Variants in GAREM1 observed in about 807,000 individuals in gnomAD.
GAREM1 encodes GRB2-associated and regulator of MAPK protein 1.
Under a neutral mutation model 71.3 loss-of-function variants are expected in GAREM1, and 26 were observed. That is an observed-to-expected ratio of 0.36 (90% confidence interval 0.27 to 0.51). GAREM1 has a LOEUF of 0.51. Ranked by LOEUF, GAREM1 falls within the 20% of genes least tolerant of loss-of-function variation. The probability of loss-of-function intolerance (pLI) is 0.95; values close to 1 mark genes in which losing one functional copy is unlikely to be tolerated. For synonymous variants in GAREM1, 440 were observed against 433.2 expected, an observed-to-expected ratio of 1.02 and a Z score of -0.20; for missense variants, 1,026 against 1,103.1, an observed-to-expected ratio of 0.93 and a Z score of 0.99.
chr18:32,352,041 G>A (rs1004074468), intron 2 of GAREM1, among the ~76,000 whole-genome samples: 12 of 152,076 alleles, frequency 7.9e-5, no homozygotes, highest in Non-Finnish European at 1.8e-4. Context: ...AAAATTCTCA[G>A]TGTTAAAACA....
intron 2 of GAREM1, among the ~76,000 whole-genome samples, chr18:32,329,446 G>A (rs1482248167): frequency 6.6e-6 from 1 of 151,628 alleles, no homozygotes; most frequent in Non-Finnish European, 1.5e-5. Context: ...AGTCGCTCAC[G>A]CCTACAATCC....
intron 3 of GAREM1, among the ~76,000 whole-genome samples, chr18:32,307,040 G>C (rs1447126296): frequency 6.6e-6 from 1 of 152,084 alleles, no homozygotes; most frequent in Non-Finnish European, 1.5e-5. Context: ...AATAGTACTA[G>C]TACTAGCCAT....
chr18:32,339,743 CT>C (rs1399699359), intron 2 of GAREM1, among the ~76,000 whole-genome samples: 8 of 152,354 alleles, frequency 5.3e-5, no homozygotes, highest in African/African-American at 1.9e-4. Context: ...TGTTCCTTAA[CT>C]TCCCAAATGA....
chr18:32,420,530 C>T (rs966643854), intron 1 of GAREM1, among the ~76,000 whole-genome samples: 3 of 152,100 alleles, frequency 2.0e-5, no homozygotes, highest in African/African-American at 2.4e-5. Context: ...AATTGCCACC[C>T]TGGGGCACTC....
At chr18:32,469,003 G>C (rs1015580981) in intron 1 of GAREM1, among the ~76,000 whole-genome samples, 1 of 105,882 alleles carries the variant, frequency 9.4e-6, no homozygotes, top group African/African-American at 3.9e-5. Context: ...CAGCTACTGT[G>C]ATCTGCACTT....
chr18:32,275,290 A>T (rs2041524471), intron 4 of GAREM1, among the ~76,000 whole-genome samples: 1 of 152,190 alleles, frequency 6.6e-6, no homozygotes, highest in South Asian at 2.1e-4. Context: ...AATGGACTAA[A>T]GCCTTTCTAT....
intron 1 of GAREM1, among the ~76,000 whole-genome samples, chr18:32,407,252 C>G (rs1489091861): frequency 5.9e-5 from 9 of 152,162 alleles, no homozygotes; most frequent in Non-Finnish European, 1.3e-4. Flanking sequence ...AGTTGCTGTC[C>G]TGTTCTAATC....
chr18:32,444,923 C>T (rs1283190112), intron 1 of GAREM1, among the ~76,000 whole-genome samples: 1 of 152,130 alleles, frequency 6.6e-6, no homozygotes, highest in African/African-American at 2.4e-5. Flanking sequence ...GGCTTAATTC[C>T]TATCTGTTCT....
At chr18:32,453,432 C>T (rs761295509) in intron 1 of GAREM1, among the ~76,000 whole-genome samples, 5 of 152,128 alleles carry the variant, frequency 3.3e-5, no homozygotes, top group South Asian at 2.1e-4. Context: ...GGCTGAAAGT[C>T]GAAAACCGAG....
Position 32,445,112 on chromosome 18 carries a change from G to A in GAREM1, c.121+25196C>T, listed in dbSNP as rs74487692. Among the ~76,000 whole-genome samples, 1,171 of 152,156 alleles carry A rather than the reference G, an allele frequency of 7.7e-3. 9 individuals carry two copies. The highest frequency in any genetic ancestry group is 0.031 in the Middle Eastern group (9 of 294). On this transcript the variant is annotated intron_variant, in intron 1 of 5. Coordinates refer to ENST00000269209, the MANE Select transcript of GAREM1 (RefSeq NM_001242409.2). ...ACATCTCCACCTGGAAGTCCCATCA[G>A]CAACTCAAAGTCAGCACATCCAACC...
At chr18:32,335,000 T>TTCCTTCCTCCTCAAATATAGCC (rs2047575746) in intron 2 of GAREM1, among the ~76,000 whole-genome samples, 1 of 152,154 alleles carries the variant, frequency 6.6e-6, no homozygotes, top group Non-Finnish European at 1.5e-5. Flanking sequence ...CGCCCACTCC[T>TTCCTTCCTCCTCAAATATAGCC]TCCTTCCTCC....
At chr18:32,391,894 T>C (rs2048203654) in intron 2 of GAREM1, among the ~76,000 whole-genome samples, 1 of 152,136 alleles carries the variant, frequency 6.6e-6, no homozygotes, top group African/African-American at 2.4e-5. Context: ...GTATCAGCAT[T>C]TGAAGATTCC....
intron 2 of GAREM1, among the ~76,000 whole-genome samples, chr18:32,352,299 C>G (rs761166911): frequency 1.1e-4 from 16 of 152,286 alleles, no homozygotes; most frequent in Middle Eastern, 3.4e-3. Context: ...AAGACAAGGC[C>G]AGGAGTAACT....
chr18:32,308,172 T>C (rs1018662219), intron 3 of GAREM1, among the ~76,000 whole-genome samples: 10 of 152,198 alleles, frequency 6.6e-5, no homozygotes, highest in Non-Finnish European at 1.2e-4. Context: ...TATAAGCTCA[T>C]ACTTCACACA....
chr18:32,439,345 A>G (rs2048712139), intron 1 of GAREM1, among the ~76,000 whole-genome samples: 1 of 152,208 alleles, frequency 6.6e-6, no homozygotes, highest in African/African-American at 2.4e-5. Context: ...TGACAATAAA[A>G]GCCTTGGTTC....
At chr18:32,381,449 C>A (rs993059898) in intron 2 of GAREM1, among the ~76,000 whole-genome samples, 8 of 152,144 alleles carry the variant, frequency 5.3e-5, no homozygotes, top group African/African-American at 1.9e-4. Context: ...TCCTTAAAAG[C>A]TAGGGGAAAA....
intron 1 of GAREM1, among the ~76,000 whole-genome samples, chr18:32,452,490 A>G (rs1325347241): frequency 6.6e-6 from 1 of 152,204 alleles, no homozygotes. Context: ...TTGAACAACT[A>G]GTTCAGTGAT....
At chr18:32,326,158 G>C (rs970379136) in intron 2 of GAREM1, among the ~76,000 whole-genome samples, 1 of 152,182 alleles carries the variant, frequency 6.6e-6, no homozygotes, top group African/African-American at 2.4e-5. Flanking sequence ...AGGAAGAAGA[G>C]AGGAAAGAGC....
chr18:32,400,651 G>A (rs926139131), intron 1 of GAREM1, among the ~76,000 whole-genome samples: 25 of 152,078 alleles, frequency 1.6e-4, no homozygotes, highest in South Asian at 2.1e-4. Context: ...TTAGAATGGC[G>A]ATCATTAAAA....
Sources: allele counts gnomAD v4.1 joint callset (sites outside exome capture counted in the v4.1 genomes callset), GRCh38; gene constraint gnomAD v4.1.1; transcripts MANE v1.5; gene names NCBI Gene and HGNC (gene_info 2026-07-23, HGNC 2026-07-21).